Variants in SLC6A17 observed in about 807,000 individuals in gnomAD.
SLC6A17 encodes the protein solute carrier family 6 member 17, also known as sodium-dependent neutral amino acid transporter SLC6A17.
SLC6A17 carries 21 observed loss-of-function variants against 64.5 expected under a neutral mutation model. The ratio of observed to expected loss-of-function variants is 0.33; its 90% confidence interval spans 0.23 to 0.47. SLC6A17 has a LOEUF of 0.47. Ranked by LOEUF, SLC6A17 falls within the 20% of genes least tolerant of loss-of-function variation. The pLI, the probability that SLC6A17 is intolerant of heterozygous loss-of-function variation, is 1.00. For missense variants in SLC6A17, 682 were observed against 963.2 expected (o/e 0.71, Z 3.86); for synonymous variants, 372 against 399.5 (o/e 0.93, Z 0.82).
At chr1:110,151,484 A>C (rs899319507) in intron 1 of SLC6A17, among the ~76,000 whole-genome samples, 2 of 152,220 alleles carry the variant, frequency 1.3e-5, no homozygotes, top group Non-Finnish European at 2.9e-5. Context: ...TGGGGAACGG[A>C]ATGGCTGAGA....
intron 3 of SLC6A17, 78 bp from the exon 4 acceptor site, chr1:110,173,894 TG>T: frequency 6.6e-7 from 1 of 1,508,852 alleles, no homozygotes; most frequent in Non-Finnish European, 8.9e-7. Flanking sequence ...GCTGCCGACG[TG>T]CTGGGCCTCG....
chr1:110,195,516 C>T (rs1035960277), intron 9 of SLC6A17, 70 bp from the exon 10 acceptor site: 89 of 1,561,780 alleles, frequency 5.7e-5, no homozygotes, highest in Non-Finnish European at 7.7e-5. Flanking sequence ...GGCCTGGGTG[C>T]CCCCGAGACC....
intron 6 of SLC6A17, among the ~76,000 whole-genome samples, chr1:110,183,885 G>A (rs771105312): frequency 6.6e-6 from 1 of 152,132 alleles, no homozygotes. Context: ...GGGCTAAGGA[G>A]GAGTGAGTGT....
chr1:110,198,212 T>C lies in SLC6A17; in HGVS notation c.1952T>C (p.Leu651Pro), dbSNP rs1262706847. The change falls in exon 12 of 12, where the codon CTC (leucine) becomes CCC (proline). Residue 651 changes from leucine (L) to proline (P), a missense_variant. Transcript: ENST00000331565. ...CTGCTCTCTGATGGCTCCAACACCC[T>C]CTCCGTGTCCTACAAGAAGGGCCGC... ...FHLLSDGSNT[L>P]SVSYKKGRMM... The C allele has an allele frequency of 2.5e-6, 4 of 1,613,954 alleles. No homozygotes were observed. Among genetic ancestry groups the C allele is most frequent in the Non-Finnish European group, 3.4e-6 (4 of 1,180,000 alleles).
chr1:110,151,228 G>A (rs982201732), intron 1 of SLC6A17, among the ~76,000 whole-genome samples: 1 of 152,214 alleles, frequency 6.6e-6, no homozygotes, highest in African/African-American at 2.4e-5. Flanking sequence ...AACCGGAGGG[G>A]GCCTGTCCGG....
At chr1:110,170,132 C>T (rs1656179940) in intron 2 of SLC6A17, among the ~76,000 whole-genome samples, 1 of 152,160 alleles carries the variant, frequency 6.6e-6, no homozygotes, top group Non-Finnish European at 1.5e-5. Flanking sequence ...TTGCAGACAC[C>T]CTGAAACTCA....
At chr1:110,157,664 A>AT (rs1219329910) in intron 1 of SLC6A17, among the ~76,000 whole-genome samples, 2 of 152,194 alleles carry the variant, frequency 1.3e-5, no homozygotes, top group Non-Finnish European at 2.9e-5. Context: ...ACAGCTTCCC[A>AT]TTAGCCTTGA....
At chr1:110,194,466 C>T in intron 8 of SLC6A17, 113 bp from the exon 9 acceptor site, 1 of 1,134,920 alleles carries the variant, frequency 8.8e-7, no homozygotes, top group Non-Finnish European at 1.2e-6. Flanking sequence ...AGGTGGGAAC[C>T]CCTGTGAAAG....
intron 6 of SLC6A17, among the ~76,000 whole-genome samples, chr1:110,177,154 A>G (rs1432307480): frequency 6.6e-6 from 1 of 152,162 alleles, no homozygotes. Flanking sequence ...TCATTCATTC[A>G]TGGGGGCTTT....
At chr1:110,176,938 A>T (rs1333563051) in intron 6 of SLC6A17, among the ~76,000 whole-genome samples, 199 bp downstream of exon 6, 1 of 152,124 alleles carries the variant, frequency 6.6e-6, no homozygotes, top group Admixed American at 6.5e-5. Flanking sequence ...TGTCACATCG[A>T]TTTGGGTGAA....
At chr1:110,186,805 G>A (rs1299563494) in intron 6 of SLC6A17, among the ~76,000 whole-genome samples, 6 of 152,220 alleles carry the variant, frequency 3.9e-5, no homozygotes, top group Admixed American at 2.6e-4. Context: ...CCTGTGACGT[G>A]GGTATTGACA....
At chr1:110,160,663 G>A (rs1279540545) in intron 1 of SLC6A17, among the ~76,000 whole-genome samples, 2 of 152,222 alleles carry the variant, frequency 1.3e-5, no homozygotes, top group African/African-American at 4.8e-5. Context: ...TCACAGACTC[G>A]CAGGAGTTGT....
Position 110,150,793 on chromosome 1 carries a change from G to A in SLC6A17, c.-178G>A, listed in dbSNP as rs1655577158. 6.6e-6 allele frequency: 1 copy of A among 152,148 alleles called. No individual in the cohort carries two copies. The highest frequency in any genetic ancestry group is 2.4e-5 in the African/African-American group (1 of 41,418). The allele number at this position is 152,148 out of a possible 1,614,324, so 9.4% of individuals were successfully genotyped here. On this transcript the variant is annotated 5_prime_UTR_variant, in exon 1 of 12. Coordinates refer to ENST00000331565, the MANE Select transcript of SLC6A17 (RefSeq NM_001010898.4). ...CCCAGCCGGGGGCCTGTGGCCCGGG[G>A]GAGGAGCTGTGCGTCCGCGACCCGT...
In SLC6A17 at chr1:110,192,669, C is replaced by A. The variant is rs1444469952; in HGVS notation, c.1270C>A (p.Pro424Thr). Residue 424 changes from proline to threonine, a missense_variant, in exon 8 of 12, where the codon CCC (proline) becomes ACC (threonine). Around this residue, in one of 3 missense-constraint regions of SLC6A17, gnomAD observed 415 missense variants for 603.8 expected, o/e 0.69. Coordinates refer to ENST00000331565, the MANE Select transcript of SLC6A17 (RefSeq NM_001010898.4). The surrounding 1 kb of genome is among the most constrained non-coding windows in gnomAD (Gnocchi z 4.3). ...CCAGTTCTCAGCCCTGGGCCTTGACCCCTGCCTTCTGGAGGACGAGCTGGA... is the reference window on the plus strand; with the variant it reads ...CCAGTTCTCAGCCCTGGGCCTTGACACCTGCCTTCTGGAGGACGAGCTGGA... ...EDQFSALGLD[P>T]CLLEDELDKS... 5.6e-6 allele frequency: 9 copies of A among 1,613,664 alleles called. No individual in the cohort carries two copies. The highest frequency in any genetic ancestry group is 7.6e-6 in the Non-Finnish European group (9 of 1,179,816).
At chr1:110,186,663 A>G (rs1656691815) in intron 6 of SLC6A17, among the ~76,000 whole-genome samples, 1 of 114,408 alleles carries the variant, frequency 8.7e-6, no homozygotes, top group African/African-American at 3.1e-5. Context: ...GCTTTTGTCT[A>G]GTCTCTCTCT....
At chr1:110,160,560 C>T (rs762943034) in intron 1 of SLC6A17, among the ~76,000 whole-genome samples, 1 of 152,192 alleles carries the variant, frequency 6.6e-6, no homozygotes, top group East Asian at 1.9e-4. Flanking sequence ...TCAGGCGTAA[C>T]GACAACTAGT....
At position 110,199,853 on chromosome 1, in the gene SLC6A17, A is replaced by T; in HGVS notation, c.*1409A>T. 2.6e-6 allele frequency: 1 copy of T among 380,190 alleles called. No individual in the cohort carries two copies. The highest frequency in any genetic ancestry group is 4.6e-6 in the Non-Finnish European group (1 of 218,538). The allele number at this position is 380,190 out of a possible 1,614,324, so 23.6% of individuals were successfully genotyped here. Reference sequence around the variant, plus strand: ...TGTCTGCAGAGAGATGGATGGATGGATGGATAGATGGATGGATGGGTTGGG... The same window carrying T: ...TGTCTGCAGAGAGATGGATGGATGGTTGGATAGATGGATGGATGGGTTGGG... On this transcript the variant is annotated 3_prime_UTR_variant, in exon 12 of 12. Coordinates refer to ENST00000331565, the MANE Select transcript of SLC6A17 (RefSeq NM_001010898.4).
intron 1 of SLC6A17, among the ~76,000 whole-genome samples, chr1:110,162,563 A>G (rs1408533812): frequency 6.6e-6 from 1 of 152,208 alleles, no homozygotes; most frequent in African/African-American, 2.4e-5. Flanking sequence ...GGGTACGGGA[A>G]GAGAGGAATC....
chr1:110,167,747 T>C (rs1028661455), intron 2 of SLC6A17, among the ~76,000 whole-genome samples: 5 of 152,216 alleles, frequency 3.3e-5, no homozygotes, highest in African/African-American at 1.2e-4. Context: ...TTTTATGTGA[T>C]TCAACCATCG....
Sources: allele counts gnomAD v4.1 joint callset (sites outside exome capture counted in the v4.1 genomes callset), GRCh38; gene constraint gnomAD v4.1.1; regional missense constraint gnomAD v4.1.1; non-coding constraint Gnocchi (gnomAD v3.1); transcripts MANE v1.5; gene names NCBI Gene and HGNC (gene_info 2026-07-23, HGNC 2026-07-21).